The following ASIC2 variants were observed in gnomAD, a reference collection of about 807,000 sequenced individuals.
The protein encoded by ASIC2 is acid-sensing ion channel 2.
A neutral mutation model predicts 57.3 loss-of-function variants in ASIC2; 25 were observed. The ratio of observed to expected loss-of-function variants is 0.44; its 90% CI spans 0.32 to 0.61. ASIC2 has a LOEUF of 0.61. Among genes scored for constraint, ASIC2 ranks in the 20% least tolerant of loss-of-function variants. The probability of loss-of-function intolerance (pLI) is 0.06; values close to 1 mark genes in which losing one functional copy is unlikely to be tolerated. For missense variants in ASIC2, 641 were observed against 738.1 expected (o/e 0.87, Z 1.52); for synonymous variants, 319 against 307.5 (o/e 1.04, Z -0.39).
Position 33,627,092 on chromosome 17 carries a change from G to C in ASIC2, c.556-515025C>G, listed in dbSNP as rs975046989. The C allele has an allele frequency of 2.6e-5, 4 of 152,316 alleles. No homozygotes were observed. The East Asian group carries it at 5.8e-4, about 22-fold the overall frequency. The allele number at this position is 152,316 out of a possible 1,614,324, so 9.4% of individuals were successfully genotyped here. Reference sequence around the variant, plus strand: ...GATTTGCACTTCCCTGAGCAAGACTGTTCTCACACATGTAACCTTGTGTCT... The same window carrying C: ...GATTTGCACTTCCCTGAGCAAGACTCTTCTCACACATGTAACCTTGTGTCT... On this transcript the variant is annotated intron_variant, in intron 1 of 9. Coordinates refer to the ASIC2 transcript ENST00000359872.
At chr17:34,091,834 A>G (rs1276132417) in intron 1 of ASIC2, among the ~76,000 whole-genome samples, 1 of 152,214 alleles carries the variant, frequency 6.6e-6, no homozygotes, top group Admixed American at 6.5e-5. Flanking sequence ...TCAGATTCAT[A>G]TACAGATTGG....
At chr17:34,025,720 T>C (rs1907352300) in intron 1 of ASIC2, among the ~76,000 whole-genome samples, 1 of 152,246 alleles carries the variant, frequency 6.6e-6, no homozygotes, top group African/African-American at 2.4e-5. Context: ...CCTTTAGCCA[T>C]GGGGCCTTGA....
chr17:33,681,011 C>T (rs1907984678), intron 1 of ASIC2: 1 of 152,240 alleles, frequency 6.6e-6, no homozygotes, highest in South Asian at 2.1e-4. Flanking sequence ...CTGGCTGCTC[C>T]TCCCCAGGAA....
At chr17:33,221,263 T>C (rs1448652819) in intron 1 of ASIC2, among the ~76,000 whole-genome samples, 1 of 152,176 alleles carries the variant, frequency 6.6e-6, no homozygotes, top group Admixed American at 6.5e-5. Context: ...AACTCTGCCA[T>C]TCTGGGGTGC....
chr17:33,306,274 G>A (rs1003936719), intron 1 of ASIC2, among the ~76,000 whole-genome samples: 2 of 152,208 alleles, frequency 1.3e-5, no homozygotes, highest in Admixed American at 1.3e-4. Context: ...CTGACTTACA[G>A]AGGATGTCAG....
chr17:33,535,300 T>C (rs1449814989), intron 1 of ASIC2, among the ~76,000 whole-genome samples: 2 of 146,696 alleles, frequency 1.4e-5, no homozygotes, highest in East Asian at 4.0e-4. Flanking sequence ...TGAGATGGAG[T>C]ATCACTCAGT....
chr17:34,147,593 C>T (rs1004681197), intron 1 of ASIC2, among the ~76,000 whole-genome samples: 1 of 152,132 alleles, frequency 6.6e-6, no homozygotes, highest in Non-Finnish European at 1.5e-5. Context: ...ATCCAGCAAC[C>T]CCTAAGCCCA....
At chr17:33,652,925 A>C (rs1420374372) in intron 1 of ASIC2, among the ~76,000 whole-genome samples, 2 of 152,236 alleles carry the variant, frequency 1.3e-5, no homozygotes, top group African/African-American at 4.8e-5. Flanking sequence ...TTGGCCTGGT[A>C]AAGCTGAAAG....
chr17:33,380,667 T>C (rs910195859), intron 1 of ASIC2, among the ~76,000 whole-genome samples: 12 of 152,350 alleles, frequency 7.9e-5, no homozygotes, highest in African/African-American at 2.9e-4. Context: ...AGCATAGTCA[T>C]GGGCTGTGAG....
chr17:33,852,245 GTTC>G (rs1913789139), intron 1 of ASIC2, among the ~76,000 whole-genome samples: 1 of 152,374 alleles, frequency 6.6e-6, no homozygotes, highest in Middle Eastern at 3.4e-3. Context: ...TACCAAAGCA[GTTC>G]ACTCCTTCTT....
In ASIC2 at chr17:33,380,258, A is replaced by C. The variant is rs986268505; in HGVS notation, c.556-268191T>G. Among the ~76,000 whole-genome samples, 13 of 150,570 alleles carry C rather than the reference A, an allele frequency of 8.6e-5. No individual in the cohort carries two copies. In the East Asian group the frequency reaches 2.3e-3, roughly 27 times the overall value. On this transcript the variant is annotated intron_variant, in intron 1 of 9. Transcript: ENST00000359872. ...GAAACCCTGTCTCAAAAAAAAAAAA[A>C]AAAAAAAAAAGAAAGAAAGAAAGAA...
intron 1 of ASIC2, among the ~76,000 whole-genome samples, chr17:33,635,840 TGAAA>T (rs1906341666): frequency 6.6e-6 from 1 of 152,142 alleles, no homozygotes; most frequent in Non-Finnish European, 1.5e-5. Context: ...GATCTCTTAC[TGAAA>T]GAGTCACATA....
chr17:33,649,891 T>C (rs1236270996), intron 1 of ASIC2, among the ~76,000 whole-genome samples: 3 of 152,218 alleles, frequency 2.0e-5, no homozygotes, highest in Non-Finnish European at 2.9e-5. Context: ...GAGACTTTTG[T>C]ATAAATGGTA....
intron 1 of ASIC2, among the ~76,000 whole-genome samples, chr17:33,498,960 A>G (rs1354631711): frequency 6.6e-6 from 1 of 152,232 alleles, no homozygotes; most frequent in East Asian, 1.9e-4. Flanking sequence ...GTTCTGAATC[A>G]TAGAACTGTC....
At chr17:33,574,892 A>G (rs1916568708) in intron 1 of ASIC2, among the ~76,000 whole-genome samples, 1 of 150,330 alleles carries the variant, frequency 6.7e-6, no homozygotes, top group South Asian at 2.1e-4. Context: ...ATATGTGTTA[A>G]TATTCATATT....
intron 1 of ASIC2, among the ~76,000 whole-genome samples, chr17:33,764,270 T>C: frequency 6.7e-6 from 1 of 148,290 alleles, no homozygotes; most frequent in Non-Finnish European, 1.5e-5. Context: ...TGAGCCCAGA[T>C]CGCGCCACTG....
chr17:33,135,859 T>C (rs778980432), intron 1 of ASIC2, among the ~76,000 whole-genome samples: 2 of 152,238 alleles, frequency 1.3e-5, no homozygotes, highest in Non-Finnish European at 2.9e-5. Context: ...TGCCTTAAGC[T>C]CCTCCAAGCC....
At chr17:33,733,658 T>A (rs1436069455) in intron 1 of ASIC2, among the ~76,000 whole-genome samples, 2 of 152,222 alleles carry the variant, frequency 1.3e-5, no homozygotes, top group Non-Finnish European at 2.9e-5. Context: ...CAAAAGGGGC[T>A]AATTATCTTC....
chr17:33,500,185 G>A (rs545957310), intron 1 of ASIC2, among the ~76,000 whole-genome samples: 9 of 152,278 alleles, frequency 5.9e-5, no homozygotes, highest in East Asian at 5.8e-4. Context: ...GAATACATTC[G>A]GCTGGCACAT....
Sources: allele counts gnomAD v4.1 joint callset (sites outside exome capture counted in the v4.1 genomes callset), GRCh38; gene constraint gnomAD v4.1.1; transcripts MANE v1.5; gene names NCBI Gene and HGNC (gene_info 2026-07-23, HGNC 2026-07-21).